Variants in SMCO4 observed in about 807,000 individuals in gnomAD.
SMCO4 encodes single-pass membrane protein with coiled-coil domains 4, also known as single-pass membrane and coiled-coil domain-containing protein 4.
In SMCO4, 4 loss-of-function variants were observed where a neutral mutation model predicts 3.6. That is an observed-to-expected ratio of 1.11 (90% confidence interval 0.54 to 2.53). The LOEUF (loss-of-function observed/expected upper bound fraction) is 2.53, where lower values mean the gene tolerates loss of function less well. Among genes scored for constraint, SMCO4 ranks in the 30% most tolerant of loss-of-function variants. The pLI is 0.02. For missense variants in SMCO4, 70 were observed against 80.8 expected (o/e 0.87, Z 0.51); for synonymous variants, 36 against 35.3 (o/e 1.02, Z -0.07).
intron 1 of SMCO4, among the ~76,000 whole-genome samples, chr11:93,526,095 G>A (rs190157170): frequency 6.6e-6 from 1 of 152,098 alleles, no homozygotes; most frequent in Non-Finnish European, 1.5e-5. Flanking sequence ...ATTGGTTTGA[G>A]TATACATATC....
At chr11:93,521,293 C>T (rs1949056581) in intron 1 of SMCO4, among the ~76,000 whole-genome samples, 2 of 152,202 alleles carry the variant, frequency 1.3e-5, no homozygotes, top group South Asian at 4.1e-4. Context: ...TGCAGTGGGC[C>T]TGGCTCCAGC....
chr11:93,502,550 G>A (rs1017478507), intron 1 of SMCO4, among the ~76,000 whole-genome samples: 1 of 152,202 alleles, frequency 6.6e-6, no homozygotes, highest in African/African-American at 2.4e-5. Context: ...ATTGAAAATG[G>A]TAACATGCGA....
At chr11:93,500,518 A>G (rs1237956482) in intron 1 of SMCO4, among the ~76,000 whole-genome samples, 1 of 152,148 alleles carries the variant, frequency 6.6e-6, no homozygotes, top group Non-Finnish European at 1.5e-5. Context: ...AGCCTCTTCT[A>G]CTAGGGAGCA....
At chr11:93,522,929 G>A (rs966120940) in intron 1 of SMCO4, among the ~76,000 whole-genome samples, 2 of 152,120 alleles carry the variant, frequency 1.3e-5, no homozygotes, top group African/African-American at 2.4e-5. Flanking sequence ...TCTCCCCTAC[G>A]AGATGCTAAG....
chr11:93,553,201 A>T, the SMCO4 span, among the ~76,000 whole-genome samples: 1 of 152,232 alleles, frequency 6.6e-6, no homozygotes, highest in African/African-American at 2.4e-5. Flanking sequence ...TCTTAATCTG[A>T]GGTCCAGAGA....
chr11:93,507,392 T>C (rs997771439), intron 1 of SMCO4, among the ~76,000 whole-genome samples: 33 of 152,156 alleles, frequency 2.2e-4, no homozygotes, highest in African/African-American at 8.0e-4. Context: ...AGAGACTCTA[T>C]CTCAAAACAA....
the SMCO4 span, among the ~76,000 whole-genome samples, chr11:93,548,756 GA>G: frequency 6.6e-6 from 1 of 152,170 alleles, no homozygotes; most frequent in Non-Finnish European, 1.5e-5. Context: ...AGGAAAGAGT[GA>G]AGCAACAAAA....
chr11:93,515,715 T>G (rs7130465), intron 1 of SMCO4, among the ~76,000 whole-genome samples: 22,923 of 152,116 alleles, frequency 0.15, 1,808 homozygotes, highest in Non-Finnish European at 0.17. Flanking sequence ...AGCTTCACGT[T>G]CCCATTTCTC....
At chr11:93,541,296 G>A (rs981433030) in intron 1 of SMCO4, among the ~76,000 whole-genome samples, 3 of 152,136 alleles carry the variant, frequency 2.0e-5, no homozygotes, top group Non-Finnish European at 4.4e-5. Context: ...TGATTGCCTG[G>A]AGCAATTTTT....
chr11:93,549,693 A>C, the SMCO4 span, among the ~76,000 whole-genome samples: 1 of 151,998 alleles, frequency 6.6e-6, no homozygotes, highest in Admixed American at 6.5e-5. Flanking sequence ...TCCTGGGCTC[A>C]AGTGATCCTT....
intron 2 of SMCO4, among the ~76,000 whole-genome samples, chr11:93,488,964 C>T (rs551796581): frequency 3.3e-5 from 5 of 152,222 alleles, no homozygotes; most frequent in Non-Finnish European, 5.9e-5. Context: ...GGGAGCTGGC[C>T]ATCTGGTCTG....
chr11:93,511,937 C>A (rs1228684481), intron 1 of SMCO4, among the ~76,000 whole-genome samples: 1 of 152,132 alleles, frequency 6.6e-6, no homozygotes, highest in African/African-American at 2.4e-5. Context: ...CACTGATCCA[C>A]CAAAAACTGG....
the SMCO4 span, among the ~76,000 whole-genome samples, chr11:93,551,424 G>C: frequency 7.2e-5 from 11 of 152,254 alleles, no homozygotes; most frequent in African/African-American, 2.4e-4. Context: ...CAACTTCTCG[G>C]TGCATCATTG....
At chr11:93,505,472 A>G (rs542577773) in intron 1 of SMCO4, among the ~76,000 whole-genome samples, 7 of 152,356 alleles carry the variant, frequency 4.6e-5, no homozygotes, top group African/African-American at 1.4e-4. Flanking sequence ...TTATTGCAAG[A>G]ATGAATATAG....
intron 1 of SMCO4, among the ~76,000 whole-genome samples, chr11:93,503,069 G>A (rs764072649): frequency 3.9e-5 from 6 of 152,166 alleles, no homozygotes; most frequent in Non-Finnish European, 7.3e-5. Flanking sequence ...TGGCTCCAGA[G>A]TCCATTGTCT....
the SMCO4 span, among the ~76,000 whole-genome samples, chr11:93,553,116 C>A: frequency 6.6e-6 from 1 of 152,184 alleles, no homozygotes; most frequent in South Asian, 2.1e-4. Flanking sequence ...TTCCAAAGTC[C>A]ATTTCTGTTA....
chr11:93,509,453 A>AC (rs1407179552), intron 1 of SMCO4, among the ~76,000 whole-genome samples: 2 of 152,124 alleles, frequency 1.3e-5, no homozygotes, highest in African/African-American at 2.4e-5. Context: ...TTATCCAGCA[A>AC]CCCCACAATC....
chr11:93,515,002 C>A (rs892514748), intron 1 of SMCO4, among the ~76,000 whole-genome samples: 1 of 152,140 alleles, frequency 6.6e-6, no homozygotes, highest in African/African-American at 2.4e-5. Context: ...AATAAATGCA[C>A]CATTACTCTA....
chr11:93,543,064 G>C (rs1034296663), intron 1 of SMCO4, among the ~76,000 whole-genome samples: 3 of 151,742 alleles, frequency 2.0e-5, no homozygotes, highest in Non-Finnish European at 4.4e-5. Context: ...CGAGTCCCTC[G>C]GGCCCCCAAC....
Sources: gnomAD v4.1 joint callset for allele counts (sites outside exome capture counted in the v4.1 genomes callset) on GRCh38, gnomAD v4.1.1 for gene constraint, MANE v1.5 for transcripts, NCBI Gene and HGNC (gene_info 2026-07-23, HGNC 2026-07-21) for gene names.